Variants in TMEM201 observed in about 807,000 individuals in gnomAD.
TMEM201 encodes transmembrane protein 201.
Under a neutral mutation model 63.4 loss-of-function variants are expected in TMEM201, and 26 were observed. The observed-to-expected ratio is 0.41, with a 90% CI of 0.30 to 0.57. TMEM201 has a LOEUF of 0.57. Among genes scored for constraint, TMEM201 ranks in the 20% least tolerant of loss-of-function variants. The probability of loss-of-function intolerance (pLI) is 0.29; values close to 1 mark genes in which losing one functional copy is unlikely to be tolerated. For missense variants in TMEM201, 794 were observed against 917.7 expected (o/e 0.87, Z 1.74); for synonymous variants, 417 against 421.6 (o/e 0.99, Z 0.14).
chr1:9,602,937 C>G (rs1644173976), intron 6 of TMEM201: 2 of 985,606 alleles, frequency 2.0e-6, no homozygotes, highest in Non-Finnish European at 2.4e-6. Flanking sequence ...CCTCCCGAGT[C>G]CCCGGAAATG....
chr1:9,602,034 C>T (rs773703860), intron 5 of TMEM201, 35 bp from the exon 6 acceptor site: 38 of 1,594,658 alleles, frequency 2.4e-5, no homozygotes, highest in Non-Finnish European at 2.8e-5. Flanking sequence ...GAGGTCTTGT[C>T]CTCCCCTGGG....
chr1:9,611,376 T>G (rs1208109548), intron 9 of TMEM201, among the ~76,000 whole-genome samples: 1 of 152,152 alleles, frequency 6.6e-6, no homozygotes, highest in African/African-American at 2.4e-5. Flanking sequence ...TTTTATATTT[T>G]TAGTAGAGAC....
At position 9,596,984 on chromosome 1, in the gene TMEM201, G is replaced by A. The variant is rs1254195491; in HGVS notation, c.360G>A (p.Leu120=). The A allele has an allele frequency of 2.5e-6, 4 of 1,612,876 alleles. No homozygotes were observed. Among genetic ancestry groups the A allele is most frequent in the African/African-American group, 1.3e-5 (1 of 74,954 alleles). Residue 120 remains leucine (L), a synonymous_variant, in exon 3 of 11, where the codon CTG becomes CTA. Transcript: ENST00000340381. ...PQQWVSSQVL[L]CKRCNHHQTT... is the part of the protein sequence containing the mutation. ...AGTGGGTGAGCAGCCAAGTCCTGCT[G>A]TGCAAGAGGTGCAACCACCACCAGA...
rs1644343872 is a variant in TMEM201, at chr1:9,612,893, G to A, written c.1904-93G>A. The A allele has an allele frequency of 2.6e-5, 29 of 1,097,246 alleles. No individual in the cohort carries two copies. In the South Asian group the frequency reaches 3.5e-4, roughly 13 times the overall value. 68.0% of individuals were successfully genotyped at this position (1,097,246 alleles called of 1,614,324 possible). ...GAGAGTACCCTGGGCAGAGCCTTGAGCTCCCCACAAACTGCATGCTCTAGG... is the reference window on the plus strand; with the variant it reads ...GAGAGTACCCTGGGCAGAGCCTTGAACTCCCCACAAACTGCATGCTCTAGG... On this transcript the variant is annotated intron_variant, in intron 10 of 10. Coordinates refer to ENST00000340381, the MANE Select transcript of TMEM201 (RefSeq NM_001130924.3).
intron 6 of TMEM201, chr1:9,606,459 CT>C (rs1309801431): frequency 6.6e-6 from 1 of 152,224 alleles, no homozygotes; most frequent in Non-Finnish European, 1.5e-5. Flanking sequence ...CCTTATAAAA[CT>C]TTTTTAGAGG....
chr1:9,613,794 C>G lies in TMEM201; in HGVS notation c.*711C>G, dbSNP rs1644356577. 6.6e-6 allele frequency: 1 copy of G among 152,486 alleles called. No individual in the cohort carries two copies. Among genetic ancestry groups the G allele is most frequent in the South Asian group, 2.1e-4 (1 of 4,846 alleles). The allele number at this position is 152,486 out of a possible 1,614,324, so 9.4% of individuals were successfully genotyped here. ...CATTACCCTGAGAATGCGGAGCGCCCTGGCCCACCTCGCCCTGTGTTTCCA... is the reference window on the plus strand; with the variant it reads ...CATTACCCTGAGAATGCGGAGCGCCGTGGCCCACCTCGCCCTGTGTTTCCA... On this transcript the variant is annotated 3_prime_UTR_variant, in exon 11 of 11. Transcript: ENST00000340381.
At chr1:9,595,123 G>A (rs1643993221) in intron 1 of TMEM201, among the ~76,000 whole-genome samples, 1 of 152,194 alleles carries the variant, frequency 6.6e-6, no homozygotes, top group Admixed American at 6.5e-5. Flanking sequence ...TTTTTGGGCA[G>A]TGGCGGTCTC....
rs920640970 is a variant in TMEM201, at chr1:9,614,305, C to G, written c.*1222C>G. 1 of 152,088 alleles carries G rather than the reference C, an allele frequency of 6.6e-6. No individual in the cohort carries two copies. Among genetic ancestry groups the G allele is most frequent in the Non-Finnish European group, 1.5e-5 (1 of 68,002 alleles). The allele number at this position is 152,088 out of a possible 1,614,324, so 9.4% of individuals were successfully genotyped here. ...TATTTTTCTACACATTTTGCCAGGTCAGGCATTTTGCTAGTAAGCAGGATG... is the reference window on the plus strand; with the variant it reads ...TATTTTTCTACACATTTTGCCAGGTGAGGCATTTTGCTAGTAAGCAGGATG... On this transcript the variant is annotated 3_prime_UTR_variant, in exon 11 of 11. Coordinates refer to ENST00000340381, the MANE Select transcript of TMEM201 (RefSeq NM_001130924.3).
At position 9,588,929 on chromosome 1, in the gene TMEM201, C is replaced by T; in HGVS notation, c.-2C>T. On this transcript the variant is annotated 5_prime_UTR_variant, in exon 1 of 11. Coordinates refer to ENST00000340381, the MANE Select transcript of TMEM201 (RefSeq NM_001130924.3). ...GCCTGCCGTCCTTCCACGCGGAGAG[C>T]CATGGAGGGAGTGAGCGCGCTGCTG... 1.6e-6 allele frequency: 2 copies of T among 1,280,336 alleles called. No homozygotes were observed. The highest frequency in any genetic ancestry group is 2.0e-6 in the Non-Finnish European group (2 of 993,922). The allele number at this position is 1,280,336 out of a possible 1,614,324, so 79.3% of individuals were successfully genotyped here.
rs1267262035 is a variant in TMEM201, at chr1:9,607,542, G to A, written c.1161-15G>A. The A allele has an allele frequency of 6.5e-7, 1 of 1,538,924 alleles. No individual in the cohort carries two copies. Among genetic ancestry groups the A allele is most frequent in the Admixed American group, 2.0e-5 (1 of 50,454 alleles). ...CTGACCCTCTTCTTGTCCCGTGCCT[G>A]ACGGGCCCTTGCAGGTTCTTCCCAG... On this transcript the variant is annotated splice_polypyrimidine_tract_variant and intron_variant, in intron 6 of 10. Coordinates refer to ENST00000340381, the MANE Select transcript of TMEM201 (RefSeq NM_001130924.3). The surrounding 1 kb of genome is among the most constrained non-coding windows in gnomAD (Gnocchi z 5.4).
rs1160538654 is a variant in TMEM201 at position 9,603,173 on chromosome 1, G to A, written c.1160+901G>A. 15 of 985,542 alleles carry A rather than the reference G, an allele frequency of 1.5e-5. No homozygotes were observed. The highest frequency in any genetic ancestry group is 1.7e-5 in the Non-Finnish European group (14 of 830,052). The allele number at this position is 985,542 out of a possible 1,614,324, so 61.0% of individuals were successfully genotyped here. ...AGGTGCCTGCTCACCATGGCCCAGC[G>A]CCACTCTGTCCTCCGACTCAGGTGA... is the stretch of plus-strand genomic sequence containing the variant. On this transcript the variant is annotated intron_variant, in intron 6 of 10. Transcript: ENST00000340381. The surrounding 1 kb of genome is among the most constrained non-coding windows in gnomAD (Gnocchi z 4.5).
At chr1:9,600,681 G>A (rs1205226435) in intron 4 of TMEM201, among the ~76,000 whole-genome samples, 1 of 152,150 alleles carries the variant, frequency 6.6e-6, no homozygotes, top group Non-Finnish European at 1.5e-5. Flanking sequence ...CACTTTGGGA[G>A]GCCGAGGCTG....
At chr1:9,597,570 G>A (rs1319904734) in intron 3 of TMEM201, among the ~76,000 whole-genome samples, 1 of 152,190 alleles carries the variant, frequency 6.6e-6, no homozygotes, top group East Asian at 1.9e-4. Flanking sequence ...GGCTGAGCTG[G>A]GAGCCTCACC....
intron 1 of TMEM201, among the ~76,000 whole-genome samples, chr1:9,591,844 G>T (rs771097104): frequency 6.6e-6 from 1 of 152,228 alleles, no homozygotes; most frequent in Admixed American, 6.5e-5. Flanking sequence ...TACGTTGGGT[G>T]GTCCCCTCCC....
chr1:9,610,488 CT>C lies in TMEM201; in HGVS notation c.1466-16del. The C allele has an allele frequency of 6.7e-7, 1 of 1,499,492 alleles. No individual in the cohort carries two copies. The highest frequency in any genetic ancestry group is 2.2e-5 in the Admixed American group (1 of 46,314). 92.9% of individuals were successfully genotyped at this position (1,499,492 alleles called of 1,614,324 possible). On this transcript the variant is annotated splice_polypyrimidine_tract_variant and intron_variant, in intron 8 of 10. Transcript: ENST00000340381. This position sits in a 1 kb window ranked among gnomAD's most constrained non-coding sequence, Gnocchi z 4.9. ...TGACAGGAGCCCACGTTCACATCATCTTCCTCCCTCCCTCCAGATTACTTCT... is the reference window on the plus strand; with the variant it reads ...TGACAGGAGCCCACGTTCACATCATCTCCTCCCTCCCTCCAGATTACTTCT...
chr1:9,607,589 C>T lies in TMEM201; in HGVS notation c.1193C>T (p.Pro398Leu). ...FFPGDSAGLF[P>L]TSPSLAIPHP... is the part of the protein sequence containing the mutation. ...CCAGGAGACTCTGCCGGCCTTTTCC[C>T]CACCAGCCCCAGCTTGGCCATCCCT... Residue 398 changes from proline (P) to leucine (L), a missense_variant, in exon 7 of 11, where the codon CCC becomes CTC. By Grantham distance (98) the Pro-to-Leu change is moderately conservative. Coordinates refer to ENST00000340381, the MANE Select transcript of TMEM201 (RefSeq NM_001130924.3). This position sits in a 1 kb window ranked among gnomAD's most constrained non-coding sequence, Gnocchi z 5.4. 8.4e-6 allele frequency: 13 copies of T among 1,551,208 alleles called. No individual in the cohort carries two copies. The highest frequency in any genetic ancestry group is 1.1e-5 in the Non-Finnish European group (13 of 1,146,770).
chr1:9,609,783 G>T, intron 7 of TMEM201, 57 bp from the exon 8 acceptor site: 1 of 1,486,918 alleles, frequency 6.7e-7, no homozygotes, highest in Non-Finnish European at 9.2e-7. Flanking sequence ...GCATTTGTGG[G>T]GGCCTCTGCA....
chr1:9,596,890 A>G lies in TMEM201; in HGVS notation c.266A>G (p.Gln89Arg), dbSNP rs1226149981. 6.2e-7 allele frequency: 1 copy of G among 1,602,112 alleles called. No homozygotes were observed. The highest frequency in any genetic ancestry group is 1.3e-5 in the African/African-American group (1 of 74,888). Residue 89 changes from glutamine (Q) to arginine (R), a missense_variant, in exon 3 of 11, where the codon CAG becomes CGG. Gln to Arg is a conservative substitution (Grantham distance 43). Coordinates refer to ENST00000340381, the MANE Select transcript of TMEM201 (RefSeq NM_001130924.3). ...NGDYNKPIPA[Q>R]YLEHLNHVVS... The stretch of plus-strand genomic sequence containing the variant: ...GACTACAACAAGCCGATCCCCGCCC[A>G]GTACTTGGAGCACCTGAACCACGTG...
chr1:9,601,159 G>A lies in TMEM201; in HGVS notation c.661G>A (p.Ala221Thr), dbSNP rs1199131507. 1.2e-6 allele frequency: 2 copies of A among 1,607,986 alleles called. No homozygotes were observed. Among genetic ancestry groups the A allele is most frequent in the Non-Finnish European group, 1.7e-6 (2 of 1,175,288 alleles). The stretch of plus-strand genomic sequence containing the variant: ...CCAGGTCATCCTGCTCCGTGCCCTC[G>A]CCTTCCTGGCCTGCGCCTTCCTACT... ...PVQVILLRAL[A>T]FLACAFLLTT... The change falls in exon 5 of 11, where the codon GCC becomes ACC. Residue 221 changes from alanine to threonine, a missense_variant. Ala to Thr is a moderately conservative substitution (Grantham distance 58). Transcript: ENST00000340381.
Sources: allele counts gnomAD v4.1 joint callset (sites outside exome capture counted in the v4.1 genomes callset), GRCh38; gene constraint gnomAD v4.1.1; non-coding constraint Gnocchi (gnomAD v3.1); transcripts MANE v1.5; gene names NCBI Gene and HGNC (gene_info 2026-07-23, HGNC 2026-07-21).